Variants in SLC26A7 observed in about 807,000 individuals in gnomAD.
SLC26A7 encodes the protein anion exchange transporter.
In SLC26A7, 59 loss-of-function variants were observed where a neutral mutation model predicts 82.5. That is an observed-to-expected ratio of 0.72 (90% confidence interval 0.58 to 0.89). The LOEUF (loss-of-function observed/expected upper bound fraction) is 0.89, where lower values mean the gene tolerates loss of function less well. Among genes scored for constraint, SLC26A7 ranks in the 40% least tolerant of loss-of-function variants. The probability of loss-of-function intolerance (pLI) is 0.00; values close to 1 mark genes in which losing one functional copy is unlikely to be tolerated. For synonymous variants in SLC26A7, 271 were observed against 274.3 expected (o/e 0.99, Z 0.12); for missense variants, 820 against 793.0 (o/e 1.03, Z -0.41).
At chr8:91,223,305 G>C (rs986615016) in intron 2 of SLC26A7, among the ~76,000 whole-genome samples, 2 of 151,494 alleles carry the variant, frequency 1.3e-5, no homozygotes, top group African/African-American at 4.8e-5. Flanking sequence ...TTATTTTTTG[G>C]AGGGTTTTTC....
intron 5 of SLC26A7, among the ~76,000 whole-genome samples, chr8:91,332,425 CAA>C (rs1813114563): frequency 7.9e-6 from 1 of 127,158 alleles, no homozygotes; most frequent in Admixed American, 8.6e-5. Context: ...TATATTTAAT[CAA>C]TATATATTTA....
chr8:91,363,948 T>G (rs547385472), intron 13 of SLC26A7, among the ~76,000 whole-genome samples: 8 of 151,904 alleles, frequency 5.3e-5, no homozygotes, highest in Non-Finnish European at 1.2e-4. Flanking sequence ...ATTGTTTTTT[T>G]TTTTTTTTTT....
At chr8:91,247,745 T>C (rs1380179466), upstream of SLC26A7, among the ~76,000 whole-genome samples, 1 of 152,164 alleles carries the variant, frequency 6.6e-6, no homozygotes, top group Non-Finnish European at 1.5e-5. Flanking sequence ...AATTTTTTGT[T>C]ATGGAATTTA....
In SLC26A7 at chr8:91,389,399, T is replaced by C. The variant is rs904734641; in HGVS notation, c.1737T>C (p.Phe579=). The C allele has an allele frequency of 1.2e-5, 19 of 1,613,932 alleles. No individual in the cohort carries two copies. Among genetic ancestry groups the C allele is most frequent in the Non-Finnish European group, 1.6e-5 (19 of 1,179,928 alleles). ...ATTTAATCCTGGATTGCAGTGGATT[T>C]ACCTTTTTTGACTATTCTGGAGTCT... ...KCYLILDCSG[F]TFFDYSGVSM... The change falls in exon 16 of 19, where the codon TTT becomes TTC. Residue 579 remains phenylalanine, a synonymous_variant. Transcript: ENST00000276609.
rs114615298 is a variant in SLC26A7 at position 91,384,125 on chromosome 8, G to T, written c.1676-5213G>T. Among the ~76,000 whole-genome samples the T allele has an allele frequency of 2.2e-3, 338 of 152,264 alleles. 1 individual carries two copies. Among genetic ancestry groups the T allele is most frequent in the African/African-American group, 7.9e-3 (327 of 41,570 alleles). On this transcript the variant is annotated intron_variant, in intron 15 of 18. Transcript: ENST00000276609. ...GATTTGTTATTTTACAGTTCTAGAT[G>T]ACAGAAGTCACTGAAATGAGTCTGG...
At chr8:91,331,725 AC>A (rs1813087737) in intron 5 of SLC26A7, among the ~76,000 whole-genome samples, 1 of 152,144 alleles carries the variant, frequency 6.6e-6, no homozygotes, top group East Asian at 1.9e-4. Flanking sequence ...GGTTTTCCAT[AC>A]ATTTTATCAG....
At chr8:91,301,338 T>C (rs926408196) in intron 4 of SLC26A7, among the ~76,000 whole-genome samples, 1 of 152,202 alleles carries the variant, frequency 6.6e-6, no homozygotes, top group African/African-American at 2.4e-5. Context: ...TTTAAAATAA[T>C]GTTGCCTGGT....
At chr8:91,372,396 A>C (rs13274601) in intron 15 of SLC26A7, among the ~76,000 whole-genome samples, 10,921 of 151,950 alleles carry the variant, frequency 0.072, 400 homozygotes, top group African/African-American at 0.09. Context: ...ATCCATCTTG[A>C]GTTAATTTTT....
upstream of SLC26A7, among the ~76,000 whole-genome samples, chr8:91,246,019 A>G (rs1487817902): frequency 6.6e-6 from 1 of 152,222 alleles, no homozygotes; most frequent in Non-Finnish European, 1.5e-5. Flanking sequence ...CTGTGTTGAA[A>G]AAAGAACTTT....
At chr8:91,237,096 G>A (rs1810403552) in intron 2 of SLC26A7, among the ~76,000 whole-genome samples, 1 of 152,208 alleles carries the variant, frequency 6.6e-6, no homozygotes, top group South Asian at 2.1e-4. Context: ...TGGTAACACA[G>A]CAAGCTGGTG....
chr8:91,392,790 C>G (rs1808438889), intron 16 of SLC26A7, among the ~76,000 whole-genome samples: 1 of 152,094 alleles, frequency 6.6e-6, no homozygotes, highest in African/African-American at 2.4e-5. Flanking sequence ...TTATCAGCAT[C>G]AACAAACCAC....
intron 9 of SLC26A7, among the ~76,000 whole-genome samples, chr8:91,350,679 T>A (rs1813689192): frequency 6.6e-6 from 1 of 152,136 alleles, no homozygotes; most frequent in Non-Finnish European, 1.5e-5. Context: ...TTTAAATTGC[T>A]GAGTTGTATT....
At chr8:91,337,043 C>G (rs892640339) in intron 6 of SLC26A7, among the ~76,000 whole-genome samples, 4 of 152,136 alleles carry the variant, frequency 2.6e-5, no homozygotes, top group Non-Finnish European at 5.9e-5. Flanking sequence ...GAAAATGCTA[C>G]TATCGTATTA....
chr8:91,391,260 T>C (rs1012530336), intron 16 of SLC26A7, among the ~76,000 whole-genome samples: 1 of 152,206 alleles, frequency 6.6e-6, no homozygotes, highest in African/African-American at 2.4e-5. Flanking sequence ...TAGTCCCAGC[T>C]GCATCACACT....
chr8:91,392,191 G>A (rs1235669965), intron 16 of SLC26A7, among the ~76,000 whole-genome samples: 2 of 152,110 alleles, frequency 1.3e-5, no homozygotes, highest in African/African-American at 4.8e-5. Flanking sequence ...CAGCAGTTTT[G>A]TATCAGTTTG....
At chr8:91,244,667 C>G (rs1025503485), upstream of SLC26A7, among the ~76,000 whole-genome samples, 3 of 151,606 alleles carry the variant, frequency 2.0e-5, no homozygotes, top group Non-Finnish European at 4.4e-5. Flanking sequence ...CCATGCCCAG[C>G]TAAATTTTTC....
At chr8:91,315,588 G>T (rs370471515) in intron 4 of SLC26A7, among the ~76,000 whole-genome samples, 1 of 152,104 alleles carries the variant, frequency 6.6e-6, no homozygotes, top group Admixed American at 6.6e-5. Context: ...CTGCTTTGGC[G>T]TCCTGAGTTT....
upstream of SLC26A7, among the ~76,000 whole-genome samples, chr8:91,244,372 C>G (rs1244689133): frequency 2.0e-5 from 3 of 149,936 alleles, no homozygotes; most frequent in Non-Finnish European, 4.4e-5. Context: ...TTTCTTCTTC[C>G]TTTTTCTCCT....
intron 2 of SLC26A7, among the ~76,000 whole-genome samples, chr8:91,270,899 C>G (rs939822792): frequency 6.6e-6 from 1 of 152,028 alleles, no homozygotes; most frequent in African/African-American, 2.4e-5. Context: ...TCTAAAGTAC[C>G]AAGGATCTTG....
Sources: gnomAD v4.1 joint callset for allele counts (sites outside exome capture counted in the v4.1 genomes callset) on GRCh38, gnomAD v4.1.1 for gene constraint, MANE v1.5 for transcripts, NCBI Gene and HGNC (gene_info 2026-07-23, HGNC 2026-07-21) for gene names.